Variants in RBPMS observed in about 807,000 individuals in gnomAD.
RBPMS encodes the protein RNA-binding protein with multiple splicing.
In RBPMS, 7 loss-of-function variants were observed where a neutral mutation model predicts 26.8. The observed-to-expected ratio is 0.26, with a 90% CI of 0.15 to 0.49. The LOEUF (loss-of-function observed/expected upper bound fraction) is 0.49. Among genes scored for constraint, RBPMS ranks in the 20% least tolerant of loss-of-function variants. The pLI is 0.98. For synonymous variants in RBPMS, 96 were observed against 93.3 expected, an observed-to-expected ratio of 1.03 and a Z score of -0.17; for missense variants, 186 against 250.0, an observed-to-expected ratio of 0.74 and a Z score of 1.73.
rs1412795435 is a variant in RBPMS at position 30,385,120 on chromosome 8, G to A, written c.28G>A (p.Glu10Lys). Residue 10 changes from glutamate (E) to lysine (K), a missense_variant, in exon 1 of 9, where the codon GAG (glutamate) becomes AAG (lysine). Physicochemically the swap from Glu to Lys is moderately conservative, Grantham distance 56. Transcript: ENST00000397323. ...GAACAACGGCGGCAAAGCCGAGAAG[G>A]AGAACACCCCGAGCGAGGCCAACCT... Reference protein sequence around the residue: MNNGGKAEKENTPSEANLQE... With the variant: MNNGGKAEKKNTPSEANLQE... 2.6e-6 allele frequency: 4 copies of A among 1,529,252 alleles called. No homozygotes were observed. Among genetic ancestry groups the A allele is most frequent in the Non-Finnish European group, 2.6e-6 (3 of 1,139,930 alleles). The allele number at this position is 1,529,252 out of a possible 1,614,324, so 94.7% of individuals were successfully genotyped here.
intron 5 of RBPMS, among the ~76,000 whole-genome samples, chr8:30,544,005 C>A (rs1199079197): frequency 6.6e-6 from 1 of 152,232 alleles, no homozygotes; most frequent in Non-Finnish European, 1.5e-5. Context: ...ATGATCATTA[C>A]TGACTTGTCA....
intron 6 of RBPMS, chr8:30,556,185 GCCA>G (rs1826891258): frequency 2.0e-6 from 2 of 985,264 alleles, no homozygotes; most frequent in South Asian, 9.4e-5. Flanking sequence ...TCCGCCACCC[GCCA>G]CCACATCCAC....
intron 1 of RBPMS, among the ~76,000 whole-genome samples, chr8:30,465,321 C>T (rs1816375486): frequency 6.6e-6 from 1 of 152,186 alleles, no homozygotes; most frequent in Non-Finnish European, 1.5e-5. Flanking sequence ...CCTTCTGTGT[C>T]TGACAGTACT....
At chr8:30,390,426 C>T (rs1249573248) in intron 1 of RBPMS, among the ~76,000 whole-genome samples, 1 of 152,194 alleles carries the variant, frequency 6.6e-6, no homozygotes. Flanking sequence ...CATCCTTACA[C>T]CATACTGCTG....
chr8:30,537,671 G>A (rs1824937490), intron 5 of RBPMS: 1 of 455,928 alleles, frequency 2.2e-6, no homozygotes, highest in Admixed American at 2.4e-5. Flanking sequence ...CTGGCTCTGT[G>A]AGAGTCGTTG....
At chr8:30,555,305 T>G (rs140000044) in intron 6 of RBPMS, among the ~76,000 whole-genome samples, 75 of 152,332 alleles carry the variant, frequency 4.9e-4, no homozygotes, top group African/African-American at 1.8e-3. Context: ...CCAAACAGTG[T>G]GGCCCTGGGT....
intron 5 of RBPMS, among the ~76,000 whole-genome samples, chr8:30,536,123 T>G (rs1163905828): frequency 7.7e-6 from 1 of 129,364 alleles, no homozygotes. Flanking sequence ...AGAGATCATC[T>G]CTCTCTTTTT....
intron 5 of RBPMS, among the ~76,000 whole-genome samples, chr8:30,533,801 C>A (rs747120824): frequency 6.6e-6 from 1 of 152,078 alleles, no homozygotes. Flanking sequence ...TTTTTCCCCC[C>A]ACCAGAATGC....
At chr8:30,389,943 C>T (rs1477762856) in intron 1 of RBPMS, among the ~76,000 whole-genome samples, 1 of 152,120 alleles carries the variant, frequency 6.6e-6, no homozygotes, top group Non-Finnish European at 1.5e-5. Context: ...CCTGTCCTTA[C>T]CTCTTTGAGC....
chr8:30,494,445 A>G (rs1819715523), intron 4 of RBPMS, among the ~76,000 whole-genome samples: 1 of 146,892 alleles, frequency 6.8e-6, no homozygotes, highest in African/African-American at 2.4e-5. Context: ...CATTTACAAG[A>G]TCTCATTTAA....
At chr8:30,495,536 A>C (rs1185797464) in intron 4 of RBPMS, among the ~76,000 whole-genome samples, 3 of 152,124 alleles carry the variant, frequency 2.0e-5, no homozygotes, top group Non-Finnish European at 2.9e-5. Flanking sequence ...CAAATGACTG[A>C]TTTAGGCAAG....
At chr8:30,450,127 T>TA (rs1232872579) in intron 1 of RBPMS, among the ~76,000 whole-genome samples, 1 of 152,204 alleles carries the variant, frequency 6.6e-6, no homozygotes, top group Non-Finnish European at 1.5e-5. Flanking sequence ...ACTTTCCTCT[T>TA]AAAGTGAGGG....
intron 5 of RBPMS, among the ~76,000 whole-genome samples, chr8:30,533,852 G>A (rs1223853049): frequency 6.6e-6 from 1 of 152,062 alleles, no homozygotes; most frequent in Non-Finnish European, 1.5e-5. Flanking sequence ...TGTTTGTTTT[G>A]GCCAGGCATG....
chr8:30,504,456 A>T lies in RBPMS; in HGVS notation c.397+20A>T, dbSNP rs746031331. 27 of 1,610,990 alleles carry T rather than the reference A, an allele frequency of 1.7e-5. No individual in the cohort carries two copies. Among genetic ancestry groups the T allele is most frequent in the Non-Finnish European group, 2.0e-5 (24 of 1,177,306 alleles). On this transcript the variant is annotated intron_variant, in intron 5 of 8. Coordinates refer to ENST00000397323, the MANE Select transcript of RBPMS (RefSeq NM_001008710.3). Reference sequence around the variant, plus strand: ...AGCCATGTAAGTCGATCTACTTTTCATTCAAAAGTAATAATAACTAAGAAC... The same window carrying T: ...AGCCATGTAAGTCGATCTACTTTTCTTTCAAAAGTAATAATAACTAAGAAC...
intron 1 of RBPMS, among the ~76,000 whole-genome samples, chr8:30,391,829 TAGC>T (rs1807825431): frequency 6.6e-6 from 1 of 152,194 alleles, no homozygotes; most frequent in South Asian, 2.1e-4. Flanking sequence ...GTGTTGCTGA[TAGC>T]AGGAAAAAGG....
intron 5 of RBPMS, among the ~76,000 whole-genome samples, chr8:30,514,352 CAT>C (rs1392778717): frequency 1.3e-5 from 2 of 152,084 alleles, no homozygotes; most frequent in African/African-American, 4.8e-5. Flanking sequence ...ACTTGACACT[CAT>C]AAACTATGGT....
chr8:30,418,553 G>T lies in RBPMS; in HGVS notation c.66+33395G>T, dbSNP rs569994541. ...TATTTTTCTGTTAGATTGCATTTTT[G>T]ATTTTGTAGGCACTCTTTATTACTA... On this transcript the variant is annotated intron_variant, in intron 1 of 8. Transcript: ENST00000397323. Among the ~76,000 whole-genome samples the T allele has an allele frequency of 5.9e-5, 9 of 152,062 alleles. No homozygotes were observed. In the East Asian group the frequency reaches 1.3e-3, roughly 23 times the overall value.
intron 5 of RBPMS, among the ~76,000 whole-genome samples, chr8:30,536,125 TCTC>T (rs1462481766): frequency 2.4e-5 from 3 of 126,440 alleles, no homozygotes; most frequent in South Asian, 2.9e-4. Context: ...AGATCATCTC[TCTC>T]TTTTTTTTTT....
At chr8:30,431,920 A>AG (rs1479619019) in intron 1 of RBPMS, among the ~76,000 whole-genome samples, 1 of 151,942 alleles carries the variant, frequency 6.6e-6, no homozygotes, top group African/African-American at 2.4e-5. Context: ...CAAGAGTTGG[A>AG]GACCAGTCTG....
Sources: gnomAD v4.1 joint callset for allele counts (sites outside exome capture counted in the v4.1 genomes callset) on GRCh38, gnomAD v4.1.1 for gene constraint, MANE v1.5 for transcripts, NCBI Gene and HGNC (gene_info 2026-07-23, HGNC 2026-07-21) for gene names.